B3GALT1: variants seen among roughly 807,000 people sequenced by gnomAD.
The protein encoded by B3GALT1 is UDP-Gal:betaGlcNAc beta 1,3-galactosyltransferase, polypeptide 1.
A neutral mutation model predicts 23.2 loss-of-function variants in B3GALT1; 10 were observed. The observed-to-expected ratio is 0.43, with a 90% confidence interval of 0.27 to 0.73. The LOEUF is 0.73. Among genes scored for constraint, B3GALT1 ranks in the 30% least tolerant of loss-of-function variants. The pLI is 0.21. For synonymous variants in B3GALT1, 156 were observed against 141.5 expected, an observed-to-expected ratio of 1.10 and a Z score of -0.73; for missense variants, 299 against 405.4, an observed-to-expected ratio of 0.74 and a Z score of 2.25.
chr2:167,854,841 A>G (rs1210401045), intron 4 of B3GALT1, among the ~76,000 whole-genome samples: 2 of 152,186 alleles, frequency 1.3e-5, no homozygotes, highest in Non-Finnish European at 2.9e-5. Flanking sequence ...ATCGCTAGTA[A>G]GGGGCAGAGC....
At chr2:167,542,877 T>G (rs960500909) in intron 2 of B3GALT1, among the ~76,000 whole-genome samples, 1 of 151,994 alleles carries the variant, frequency 6.6e-6, no homozygotes, top group African/African-American at 2.4e-5. Flanking sequence ...TAGATGTATA[T>G]TGTTTATTTA....
At chr2:167,488,048 A>G (rs1231075107) in intron 1 of B3GALT1, among the ~76,000 whole-genome samples, 1 of 152,226 alleles carries the variant, frequency 6.6e-6, no homozygotes, top group Non-Finnish European at 1.5e-5. Flanking sequence ...TGTTAAAAAA[A>G]AGGTCTTCAA....
chr2:167,293,607 G>T (rs1574020210), intron 1 of B3GALT1, among the ~76,000 whole-genome samples: 1 of 152,164 alleles, frequency 6.6e-6, no homozygotes, highest in East Asian at 1.9e-4. Context: ...GGGGCACTTT[G>T]CAGCGAGAAC....
intron 1 of B3GALT1, among the ~76,000 whole-genome samples, chr2:167,423,134 A>G (rs964499243): frequency 8.5e-5 from 13 of 152,164 alleles, no homozygotes; most frequent in Non-Finnish European, 1.5e-4. Context: ...CCTGTCTGCT[A>G]TTTACTTCTC....
chr2:167,688,161 G>T (rs1686647532), intron 3 of B3GALT1, among the ~76,000 whole-genome samples: 1 of 152,044 alleles, frequency 6.6e-6, no homozygotes, highest in Non-Finnish European at 1.5e-5. Context: ...TCAGCTCTCA[G>T]TCCCATTTCT....
chr2:167,387,012 C>CATCATATCATATATCATATCAT (rs1553516280), intron 1 of B3GALT1, among the ~76,000 whole-genome samples: 2 of 151,120 alleles, frequency 1.3e-5, no homozygotes, highest in African/African-American at 2.5e-5. Context: ...TAGGTAGTCT[C>CATCATATCATATATCATATCAT]ATCATATCAT....
At chr2:167,474,666 G>T (rs1436143216) in intron 1 of B3GALT1, among the ~76,000 whole-genome samples, 2 of 152,124 alleles carry the variant, frequency 1.3e-5, no homozygotes, top group Admixed American at 1.3e-4. Context: ...TACTCCTGCA[G>T]TTATCTCTGA....
chr2:167,556,086 C>G (rs999265580), intron 2 of B3GALT1, among the ~76,000 whole-genome samples: 4 of 152,018 alleles, frequency 2.6e-5, no homozygotes, highest in Non-Finnish European at 2.9e-5. Context: ...GTGAATTGCT[C>G]TTTTTTACAA....
intron 1 of B3GALT1, among the ~76,000 whole-genome samples, chr2:167,374,025 C>A (rs1234418399): frequency 6.6e-6 from 1 of 152,180 alleles, no homozygotes; most frequent in Non-Finnish European, 1.5e-5. Context: ...TCTTCTCCCC[C>A]TCTAGTAGTC....
At chr2:167,340,530 A>G (rs1481724621) in intron 1 of B3GALT1, among the ~76,000 whole-genome samples, 2 of 152,162 alleles carry the variant, frequency 1.3e-5, no homozygotes, top group African/African-American at 2.4e-5. Flanking sequence ...GAGGAGACAA[A>G]TATTTACAAC....
At chr2:167,605,761 A>G (rs1684952973) in intron 2 of B3GALT1, among the ~76,000 whole-genome samples, 1 of 152,170 alleles carries the variant, frequency 6.6e-6, no homozygotes, top group African/African-American at 2.4e-5. Context: ...TAGGTACTTT[A>G]TATCTTTATC....
At chr2:167,764,663 A>G (rs1687947465) in intron 3 of B3GALT1, among the ~76,000 whole-genome samples, 1 of 152,228 alleles carries the variant, frequency 6.6e-6, no homozygotes, top group Admixed American at 6.5e-5. Context: ...AAGACAAGAA[A>G]AATAATTATT....
intron 3 of B3GALT1, among the ~76,000 whole-genome samples, chr2:167,703,992 T>C (rs555661281): frequency 7.3e-4 from 111 of 151,988 alleles, no homozygotes; most frequent in Non-Finnish European, 1.2e-3. Flanking sequence ...CCTTCCTGGC[T>C]AACACGGTGA....
At chr2:167,704,071 C>T (rs1322538154) in intron 3 of B3GALT1, among the ~76,000 whole-genome samples, 1 of 151,212 alleles carries the variant, frequency 6.6e-6, no homozygotes, top group Non-Finnish European at 1.5e-5. Flanking sequence ...GTCCCAGCTA[C>T]TCGGGAGGCT....
chr2:167,790,145 G>A (rs1688409221), intron 3 of B3GALT1, among the ~76,000 whole-genome samples: 1 of 152,146 alleles, frequency 6.6e-6, no homozygotes, highest in South Asian at 2.1e-4. Context: ...TTAACTCCTA[G>A]TCTTGCTCTC....
intron 2 of B3GALT1, among the ~76,000 whole-genome samples, chr2:167,579,432 C>CTTTTTTTTTTTTTTTTTTTTTTT (rs71395297): frequency 2.8e-5 from 3 of 109,034 alleles, no homozygotes; most frequent in East Asian, 3.8e-4. Context: ...TTTTTTTTGT[C>CTTTTTTTTTTTTTTTTTTTTTTT]TTTTTTTTTT....
At chr2:167,548,694 G>GTGTGTGTGTGTGTGTGTA (rs1558900862) in intron 2 of B3GALT1, among the ~76,000 whole-genome samples, 3 of 151,116 alleles carry the variant, frequency 2.0e-5, no homozygotes, top group Non-Finnish European at 4.4e-5. Context: ...GAGTGTGTGT[G>GTGTGTGTGTGTGTGTGTA]TGTGTGTGTG....
intron 1 of B3GALT1, among the ~76,000 whole-genome samples, chr2:167,412,455 G>A (rs1698407018): frequency 6.6e-6 from 1 of 151,934 alleles, no homozygotes; most frequent in Non-Finnish European, 1.5e-5. Context: ...TCTGGAACAA[G>A]CATTTTGCAA....
At chr2:167,516,545 A>G (rs1700101639) in intron 2 of B3GALT1, among the ~76,000 whole-genome samples, 1 of 152,216 alleles carries the variant, frequency 6.6e-6, no homozygotes, top group Non-Finnish European at 1.5e-5. Flanking sequence ...CACTTAAGTC[A>G]CTTAAACTCT....
Sources: gnomAD v4.1 joint callset for allele counts (sites outside exome capture counted in the v4.1 genomes callset) on GRCh38, gnomAD v4.1.1 for gene constraint, MANE v1.5 for transcripts, NCBI Gene and HGNC (gene_info 2026-07-23, HGNC 2026-07-21) for gene names.